The following ROBO1 variants were observed in gnomAD, a reference collection of about 807,000 sequenced individuals.
ROBO1 encodes the protein roundabout homolog 1.
ROBO1 carries 149 observed loss-of-function variants against 195.9 expected under a neutral mutation model. That is an observed-to-expected ratio of 0.76 (90% CI 0.67 to 0.87). ROBO1 has a LOEUF of 0.87. Among genes scored for constraint, ROBO1 ranks in the 40% least tolerant of loss-of-function variants. ROBO1 has a pLI of 0.00. For synonymous variants in ROBO1, 816 were observed against 733.2 expected, an observed-to-expected ratio of 1.11 and a Z score of -1.82; for missense variants, 1,933 against 2,068.3, an observed-to-expected ratio of 0.93 and a Z score of 1.27.
intron 2 of ROBO1, among the ~76,000 whole-genome samples, chr3:79,225,933 A>G (rs1339367535): frequency 2.0e-5 from 3 of 152,114 alleles, no homozygotes; most frequent in Admixed American, 6.6e-5. Context: ...AATTTCTCCC[A>G]TCTCAACCCT....
chr3:79,694,847 G>A (rs1317028509), intron 1 of ROBO1, among the ~76,000 whole-genome samples: 1 of 151,610 alleles, frequency 6.6e-6, no homozygotes, highest in African/African-American at 2.4e-5. Context: ...TTTATCAGAT[G>A]TATAACTTAA....
intron 5 of ROBO1, among the ~76,000 whole-genome samples, chr3:78,738,337 C>A (rs111437925): frequency 8.5e-4 from 129 of 152,240 alleles, no homozygotes; most frequent in African/African-American, 2.7e-3. Context: ...TGACATACTC[C>A]ATTCTAATAA....
chr3:79,621,454 T>C (rs1284119242), intron 1 of ROBO1, among the ~76,000 whole-genome samples: 2 of 152,132 alleles, frequency 1.3e-5, no homozygotes, highest in East Asian at 3.9e-4. Context: ...TTATCAAGGC[T>C]CATAGCCATC....
chr3:79,699,650 T>A (rs1350512628), intron 1 of ROBO1, among the ~76,000 whole-genome samples: 1 of 150,434 alleles, frequency 6.6e-6, no homozygotes, highest in Non-Finnish European at 1.5e-5. Context: ...AAAACGTATG[T>A]TGTTGTTTTT....
At chr3:79,014,759 C>T (rs1282721409) in intron 3 of ROBO1, among the ~76,000 whole-genome samples, 2 of 152,218 alleles carry the variant, frequency 1.3e-5, no homozygotes, top group Non-Finnish European at 2.9e-5. Context: ...TATATGAAAT[C>T]GAGCTTGCAG....
At chr3:79,571,968 G>A (rs1172689470) in intron 2 of ROBO1, among the ~76,000 whole-genome samples, 1 of 151,858 alleles carries the variant, frequency 6.6e-6, no homozygotes, top group Non-Finnish European at 1.5e-5. Flanking sequence ...AAATTAAGTG[G>A]AATTAAAAAA....
chr3:79,618,063 C>T (rs1040754214), intron 1 of ROBO1, among the ~76,000 whole-genome samples: 2 of 151,290 alleles, frequency 1.3e-5, no homozygotes, highest in African/African-American at 4.9e-5. Flanking sequence ...TTAATCCAGT[C>T]ACACAAAAAT....
chr3:79,106,670 G>A lies in ROBO1; in HGVS notation c.172+18786C>T, dbSNP rs139520722. Among the ~76,000 whole-genome samples, 321 of 151,546 alleles carry A rather than the reference G, an allele frequency of 2.1e-3. 2 individuals are homozygous for A. Among genetic ancestry groups the A allele is most frequent in the African/African-American group, 7.4e-3 (305 of 41,452 alleles). ...TTTAAGTCTACTTCTGAGTTAACACGAGTGTGAATGACATAGTACATCAGG... is the reference window on the plus strand; with the variant it reads ...TTTAAGTCTACTTCTGAGTTAACACAAGTGTGAATGACATAGTACATCAGG... On this transcript the variant is annotated intron_variant, in intron 3 of 30. Transcript: ENST00000464233.
chr3:79,353,970 G>A (rs1238156904), intron 2 of ROBO1, among the ~76,000 whole-genome samples: 1 of 151,924 alleles, frequency 6.6e-6, no homozygotes. Flanking sequence ...ACTTGAACCC[G>A]GGAGGTGGAG....
At chr3:78,666,336 A>C (rs1432348652) in intron 14 of ROBO1, among the ~76,000 whole-genome samples, 1 of 152,204 alleles carries the variant, frequency 6.6e-6, no homozygotes, top group Non-Finnish European at 1.5e-5. Flanking sequence ...AAATGTTAAA[A>C]AGACTAAATG....
At chr3:79,428,314 A>AAAAT (rs144626130) in intron 2 of ROBO1, among the ~76,000 whole-genome samples, 7,266 of 152,138 alleles carry the variant, frequency 0.048, 464 homozygotes, top group African/African-American at 0.14. Flanking sequence ...AAAATGTATA[A>AAAAT]AAATAAATAA....
chr3:79,127,326 G>A (rs191535172), intron 2 of ROBO1, among the ~76,000 whole-genome samples: 1 of 152,238 alleles, frequency 6.6e-6, no homozygotes, highest in East Asian at 1.9e-4. Context: ...AAATATAAGA[G>A]GCTGTTGTAG....
chr3:78,790,709 G>C (rs1385370500), intron 4 of ROBO1, among the ~76,000 whole-genome samples: 2 of 152,092 alleles, frequency 1.3e-5, no homozygotes, highest in Non-Finnish European at 2.9e-5. Context: ...AAGTCCCAAG[G>C]TAAGGAAGCT....
chr3:79,079,227 C>T (rs374048398), intron 3 of ROBO1, among the ~76,000 whole-genome samples: 124 of 151,810 alleles, frequency 8.2e-4, no homozygotes, highest in East Asian at 3.3e-3. Flanking sequence ...TTAAAAAAAT[C>T]ACGTTTTCTT....
chr3:78,668,077 T>C (rs1310040884), intron 13 of ROBO1, 28 bp from the exon 14 acceptor site: 1 of 1,612,076 alleles, frequency 6.2e-7, no homozygotes, highest in Non-Finnish European at 8.5e-7. Flanking sequence ...GGTTAGAACA[T>C]GCGTATTTAA....
At chr3:79,703,468 C>T (rs1947677168) in intron 1 of ROBO1, among the ~76,000 whole-genome samples, 1 of 151,612 alleles carries the variant, frequency 6.6e-6, no homozygotes, top group Non-Finnish European at 1.5e-5. Flanking sequence ...TAGTAATTAT[C>T]TACATTTTGT....
chr3:79,037,040 T>C (rs956040795), intron 3 of ROBO1, among the ~76,000 whole-genome samples: 1 of 152,118 alleles, frequency 6.6e-6, no homozygotes, highest in Non-Finnish European at 1.5e-5. Flanking sequence ...CTCATGGGAA[T>C]GAAAATTAAA....
rs1354997347 is a variant in ROBO1 at position 78,668,636 on chromosome 3, G to T, written c.1549-71C>A. The T allele has an allele frequency of 2.2e-6, 3 of 1,376,426 alleles. No individual in the cohort carries two copies. The African/African-American group carries it at 4.3e-5, about 20-fold the overall frequency. 85.3% of individuals were successfully genotyped at this position (1,376,426 alleles called of 1,614,324 possible). A position where few individuals can be genotyped will look rare whatever the true frequency, so the allele number is the denominator to read the frequency against. On this transcript the variant is annotated intron_variant, in intron 11 of 30. Coordinates refer to ENST00000464233, the MANE Select transcript of ROBO1 (RefSeq NM_002941.4). ...CACTGGGCTGGAAAAGCAATTACAG[G>T]TTTGTATATGATCCATGAATATGGA... is the stretch of plus-strand genomic sequence containing the variant.
intron 21 of ROBO1, among the ~76,000 whole-genome samples, chr3:78,643,723 G>C (rs1706109318): frequency 6.6e-6 from 1 of 152,102 alleles, no homozygotes; most frequent in Non-Finnish European, 1.5e-5. Flanking sequence ...TCAGAAACAT[G>C]ATCAATATGC....
Sources: gnomAD v4.1 joint callset for allele counts (sites outside exome capture counted in the v4.1 genomes callset) on GRCh38, gnomAD v4.1.1 for gene constraint, MANE v1.5 for transcripts, NCBI Gene and HGNC (gene_info 2026-07-23, HGNC 2026-07-21) for gene names.